Variants in ZBED6 observed in about 807,000 individuals in gnomAD.
The protein encoded by ZBED6 is zinc finger BED-type containing 6.
Under a neutral mutation model 58.4 loss-of-function variants are expected in ZBED6, and 40 were observed. The observed-to-expected ratio is 0.68, with a 90% CI of 0.53 to 0.89. The LOEUF (loss-of-function observed/expected upper bound fraction) is 0.89. ZBED6 is among the 40% of genes least tolerant of loss of function. The pLI, the probability that ZBED6 is intolerant of heterozygous loss-of-function variation, is 0.00. For missense variants in ZBED6, 1,057 were observed against 1,003.9 expected (o/e 1.05, Z -0.71); for synonymous variants, 439 against 350.6 (o/e 1.25, Z -2.82).
chr1:203,832,525 T>C (rs759576475), intron 8 of ZBED6, among the ~76,000 whole-genome samples: 3 of 152,102 alleles, frequency 2.0e-5, no homozygotes, highest in Non-Finnish European at 2.9e-5. Context: ...CACGCCTGGC[T>C]AATTTTTGTA....
intron 8 of ZBED6, among the ~76,000 whole-genome samples, chr1:203,832,714 A>G (rs1197958835): frequency 1.3e-5 from 2 of 152,198 alleles, no homozygotes; most frequent in African/African-American, 4.8e-5. Context: ...AATTATAGAT[A>G]TAGATATATT....
At chr1:203,805,914 G>A (rs151304858) in intron 1 of ZBED6, 7 of 677,930 alleles carry the variant, frequency 1.0e-5, no homozygotes, top group Middle Eastern at 5.1e-4. Context: ...TCACTTGCTT[G>A]TCTACCTTCA....
exon 17 of ZBED6, chr1:203,852,590 T>C: frequency 1.6e-6 from 1 of 633,456 alleles, no homozygotes; most frequent in Non-Finnish European, 2.7e-6. Context: ...TTTATAACCA[T>C]TTTGTCCATT....
intron 8 of ZBED6, among the ~76,000 whole-genome samples, chr1:203,832,049 A>G (rs1050597348): frequency 6.6e-6 from 1 of 152,170 alleles, no homozygotes; most frequent in African/African-American, 2.4e-5. Context: ...ATAGGTATAT[A>G]TAATAAAGTT....
At chr1:203,797,543 T>G in exon 1 of ZBED6, 1 of 1,523,704 alleles carries the variant, frequency 6.6e-7, no homozygotes. Context: ...GTACTCTAAG[T>G]GTACCAGTTT....
chr1:203,833,622 T>TTTTTTTTC (rs1314083762), intron 8 of ZBED6, among the ~76,000 whole-genome samples, 169 bp from the exon 9 acceptor site: 1 of 148,224 alleles, frequency 6.7e-6, no homozygotes. Flanking sequence ...GTTTGGGTTT[T>TTTTTTTTC]TTTTTTTTTT....
At chr1:203,842,748 C>T (rs1686810699) in intron 11 of ZBED6, among the ~76,000 whole-genome samples, 1 of 149,952 alleles carries the variant, frequency 6.7e-6, no homozygotes, top group South Asian at 2.1e-4. Flanking sequence ...AAAAAATCTT[C>T]AAAAATACAC....
chr1:203,820,243 A>C (rs2102847410), intron 3 of ZBED6, among the ~76,000 whole-genome samples: 1 of 152,072 alleles, frequency 6.6e-6, no homozygotes, highest in Non-Finnish European at 1.5e-5. Flanking sequence ...TCAAGAAAAA[A>C]AAAAAAAAAG....
chr1:203,839,435 G>A lies in ZBED6; in HGVS notation c.*3673-871G>A, dbSNP rs923156461. 1.7e-4 allele frequency among the ~76,000 whole-genome samples: 26 copies of A among 151,784 alleles called. 1 individual carries two copies. Among genetic ancestry groups the A allele is most frequent in the Admixed American group, 1.4e-3 (22 of 15,176 alleles). ...GTATGACTTGCAGTGAAACACTGGC[G>A]TTAAATTATTAAAGAATAGGTGTTT... On this transcript the variant is annotated intron_variant, in intron 10 of 16. Transcript: ENST00000550078.
intron 9 of ZBED6, among the ~76,000 whole-genome samples, chr1:203,837,040 T>C (rs2103144910): frequency 6.6e-6 from 1 of 152,268 alleles, no homozygotes; most frequent in South Asian, 2.1e-4. Flanking sequence ...CATAGTGCTG[T>C]AATCCTAGCA....
At chr1:203,840,200 A>G (rs1685665279) in intron 10 of ZBED6, 106 bp from the exon 11 acceptor site, 1 of 1,109,668 alleles carries the variant, frequency 9.0e-7, no homozygotes, top group South Asian at 1.4e-5. Context: ...TGGCCTCCCA[A>G]AGTTCTGGGA....
rs1188733954 is a variant in ZBED6 at position 203,797,643 on chromosome 1, G to T, written c.121G>T (p.Asp41Tyr). ...TATTAATTCTAATACAGATGAAGAA[G>T]ATGTGGTAGAGGAAAAGATGGTAGC... Residue 41 changes from aspartate to tyrosine, a missense_variant, in exon 1 of 17, where the codon GAT becomes TAT. Coordinates refer to ENST00000550078, the Ensembl canonical transcript of ZBED6. 7 of 1,535,966 alleles carry T rather than the reference G, an allele frequency of 4.6e-6. No individual in the cohort carries two copies. In the East Asian group the frequency reaches 1.7e-4, roughly 38 times the overall value.
At position 203,818,554 on chromosome 1, in the gene ZBED6, C is replaced by T. The variant is rs1677148755; in HGVS notation, c.*2754-16C>T. 6.2e-7 allele frequency: 1 copy of T among 1,613,682 alleles called. No individual in the cohort carries two copies. Among genetic ancestry groups the T allele is most frequent in the African/African-American group, 1.3e-5 (1 of 74,966 alleles). ...ATTTCAATGCTACAAATAGAGTGTTCTCTATTTGTTTACAGGGTGACAGCT... is the reference window on the plus strand; with the variant it reads ...ATTTCAATGCTACAAATAGAGTGTTTTCTATTTGTTTACAGGGTGACAGCT... On this transcript the variant is annotated splice_polypyrimidine_tract_variant and intron_variant, in intron 2 of 16. Coordinates refer to ENST00000550078, the Ensembl canonical transcript of ZBED6.
exon 1 of ZBED6, chr1:203,802,665 A>G (rs1207968211): frequency 6.9e-6 from 1 of 143,950 alleles, no homozygotes; most frequent in Non-Finnish European, 1.5e-5. Flanking sequence ...TGGAAGATGG[A>G]GTTTTTTTTC....
At chr1:203,803,657 G>A (rs1054221792) in intron 1 of ZBED6, among the ~76,000 whole-genome samples, 1 of 152,202 alleles carries the variant, frequency 6.6e-6, no homozygotes, top group African/African-American at 2.4e-5. Context: ...TGAGGCTGGA[G>A]TGCAGTGGCA....
intron 3 of ZBED6, among the ~76,000 whole-genome samples, chr1:203,825,083 A>AC (rs1680063966): frequency 6.6e-6 from 1 of 151,430 alleles, no homozygotes; most frequent in Non-Finnish European, 1.5e-5. Flanking sequence ...TCTCAAAAAA[A>AC]AAAAAAAAAA....
chr1:203,797,820 G>C (rs762047262), exon 1 of ZBED6: 2 of 1,536,114 alleles, frequency 1.3e-6, no homozygotes, highest in Middle Eastern at 1.7e-4. Context: ...AGATGCCCCT[G>C]CTTTGTTAGC....
At chr1:203,850,620 C>T in exon 15 of ZBED6, 1 of 1,614,140 alleles carries the variant, frequency 6.2e-7, no homozygotes, top group Non-Finnish European at 8.5e-7. Flanking sequence ...GTCATTGCCG[C>T]TGTGAAGCCA....
chr1:203,850,438 GA>G, intron 14 of ZBED6, 76 bp from the exon 15 acceptor site: 9 of 1,564,702 alleles, frequency 5.8e-6, no homozygotes, highest in Non-Finnish European at 7.9e-6. Flanking sequence ...AAGGAGTTTT[GA>G]TATTTTATTC....
Sources: allele counts gnomAD v4.1 joint callset (sites outside exome capture counted in the v4.1 genomes callset), GRCh38; gene constraint gnomAD v4.1.1; transcripts MANE v1.5; gene names NCBI Gene and HGNC (gene_info 2026-07-23, HGNC 2026-07-21).